The following GPC5 variants were observed in gnomAD, a reference collection of about 807,000 sequenced individuals.
The protein encoded by GPC5 is glypican 5.
Under a neutral mutation model 53.9 loss-of-function variants are expected in GPC5, and 47 were observed. The observed-to-expected ratio is 0.87, with a 90% CI of 0.69 to 1.11. The LOEUF is 1.11. Ranked by LOEUF, GPC5 falls within the 50% of genes most tolerant of loss-of-function variation. GPC5 has a pLI of 0.00. For missense variants in GPC5, 748 were observed against 713.1 expected (o/e 1.05, Z -0.56); for synonymous variants, 286 against 263.3 (o/e 1.09, Z -0.84).
intron 6 of GPC5, among the ~76,000 whole-genome samples, chr13:92,123,965 G>A (rs531447880): frequency 2.0e-5 from 3 of 151,966 alleles, no homozygotes; most frequent in South Asian, 2.1e-4. Context: ...ATATAGTTAC[G>A]ATAGTACTGA....
At chr13:92,249,625 G>A (rs1594036368) in intron 7 of GPC5, among the ~76,000 whole-genome samples, 1 of 152,064 alleles carries the variant, frequency 6.6e-6, no homozygotes. Context: ...GTCTGAGTCT[G>A]ACTGAAAATT....
At chr13:91,930,297 G>C (rs2039809469) in intron 6 of GPC5, among the ~76,000 whole-genome samples, 1 of 151,542 alleles carries the variant, frequency 6.6e-6, no homozygotes, top group African/African-American at 2.4e-5. Flanking sequence ...AATTATAGAA[G>C]GTTAGATCCA....
intron 2 of GPC5, among the ~76,000 whole-genome samples, chr13:91,671,245 G>A (rs977230338): frequency 4.6e-5 from 7 of 152,224 alleles, no homozygotes; most frequent in Admixed American, 4.6e-4. Context: ...GTAAAGTTTA[G>A]TAATATGTTT....
chr13:91,507,253 T>C (rs1884991909), intron 2 of GPC5, among the ~76,000 whole-genome samples: 1 of 152,134 alleles, frequency 6.6e-6, no homozygotes, highest in African/African-American at 2.4e-5. Context: ...CATGGCAGAA[T>C]GAGGAAGGGA....
chr13:92,072,279 T>TG (rs2041218545), intron 6 of GPC5, among the ~76,000 whole-genome samples: 1 of 151,166 alleles, frequency 6.6e-6, no homozygotes, highest in Non-Finnish European at 1.5e-5. Context: ...ATTATTATTA[T>TG]TTTTTGAGAC....
In GPC5 at chr13:91,545,432, A is replaced by C. The variant is rs1007132748; in HGVS notation, c.325+96510A>C. ...TTGGTTTTAAGTTCATATCTTAAAC[A>C]CATCATTAAAATTCAATCTTTGGGT... On this transcript the variant is annotated intron_variant, in intron 2 of 7. Transcript: ENST00000377067. Among the ~76,000 whole-genome samples, 25 of 152,180 alleles carry C rather than the reference A, an allele frequency of 1.6e-4. 1 individual carries two copies. The highest frequency in any genetic ancestry group is 6.0e-4 in the African/African-American group (25 of 41,448).
chr13:92,381,860 T>TATATATC (rs2043743980), intron 7 of GPC5, among the ~76,000 whole-genome samples: 6 of 62,716 alleles, frequency 9.6e-5, no homozygotes, highest in Non-Finnish European at 2.2e-4. Context: ...CATATATGAT[T>TATATATC]ATATATATCA....
chr13:92,660,624 C>T (rs1417092179), intron 7 of GPC5, among the ~76,000 whole-genome samples: 1 of 151,810 alleles, frequency 6.6e-6, no homozygotes, highest in African/African-American at 2.4e-5. Flanking sequence ...TCCCTCTCTT[C>T]CACGTAATGA....
chr13:91,825,929 A>G (rs1009945506), intron 5 of GPC5, among the ~76,000 whole-genome samples: 15 of 152,090 alleles, frequency 9.9e-5, no homozygotes, highest in African/African-American at 1.4e-4. Context: ...AGCTCCAAAC[A>G]TTCTGAAACA....
At chr13:92,413,635 T>G (rs4773681) in intron 7 of GPC5, among the ~76,000 whole-genome samples, 56,843 of 151,870 alleles carry the variant, frequency 0.37, 10,883 homozygotes, top group Non-Finnish European at 0.41. Context: ...TCAAGGGTAG[T>G]GAAAACAGAA....
chr13:91,505,085 T>C (rs183016956), intron 2 of GPC5, among the ~76,000 whole-genome samples: 1 of 152,336 alleles, frequency 6.6e-6, no homozygotes, highest in Non-Finnish European at 1.5e-5. Flanking sequence ...TGTGTATATA[T>C]ATTGAATGTA....
chr13:91,639,954 G>C (rs893887968), intron 2 of GPC5, among the ~76,000 whole-genome samples: 1 of 151,894 alleles, frequency 6.6e-6, no homozygotes, highest in Admixed American at 6.6e-5. Context: ...AGATTCCAAG[G>C]CTTGGGTTTT....
chr13:92,007,356 C>T lies in GPC5; in HGVS notation c.1401+99299C>T, dbSNP rs372872589. Among the ~76,000 whole-genome samples the T allele has an allele frequency of 8.5e-5, 13 of 152,242 alleles. No individual in the cohort carries two copies. The East Asian group carries it at 2.3e-3, about 27-fold the overall frequency. ...ATTGGAGTTGTAGTTTAGTCTACCA[C>T]ATTTTTCATTCCATCAGTTTTTGTT... is the stretch of plus-strand genomic sequence containing the variant. On this transcript the variant is annotated intron_variant, in intron 6 of 7. Transcript: ENST00000377067.
At chr13:91,915,681 G>A (rs2039651610) in intron 6 of GPC5, among the ~76,000 whole-genome samples, 1 of 151,906 alleles carries the variant, frequency 6.6e-6, no homozygotes, top group Non-Finnish European at 1.5e-5. Flanking sequence ...GTAATTTATA[G>A]GCTAAAACTT....
At chr13:91,924,236 AT>A (rs1171757495) in intron 6 of GPC5, among the ~76,000 whole-genome samples, 3 of 152,200 alleles carry the variant, frequency 2.0e-5, no homozygotes, top group African/African-American at 7.2e-5. Flanking sequence ...CTTAATTCTG[AT>A]TTAAGTTACT....
chr13:91,776,399 G>T (rs2037711584), intron 5 of GPC5, among the ~76,000 whole-genome samples: 1 of 152,182 alleles, frequency 6.6e-6, no homozygotes, highest in African/African-American at 2.4e-5. Flanking sequence ...AGAATAGACA[G>T]CCTATCCATC....
intron 7 of GPC5, among the ~76,000 whole-genome samples, chr13:92,392,065 T>A (rs1430323664): frequency 6.6e-6 from 1 of 152,202 alleles, no homozygotes; most frequent in Non-Finnish European, 1.5e-5. Context: ...GAGAATAGAA[T>A]TAAGCACCAA....
intron 7 of GPC5, among the ~76,000 whole-genome samples, chr13:92,609,635 A>G (rs1400438263): frequency 6.6e-6 from 1 of 152,188 alleles, no homozygotes; most frequent in African/African-American, 2.4e-5. Context: ...AAACCTTATG[A>G]GGCACAAGCA....
At chr13:92,272,413 C>A (rs2042846135) in intron 7 of GPC5, among the ~76,000 whole-genome samples, 1 of 152,138 alleles carries the variant, frequency 6.6e-6, no homozygotes, top group South Asian at 2.1e-4. Context: ...ATGTAACCAT[C>A]TAGCAATGTT....
Sources: gnomAD v4.1 joint callset for allele counts (sites outside exome capture counted in the v4.1 genomes callset) on GRCh38, gnomAD v4.1.1 for gene constraint, MANE v1.5 for transcripts, NCBI Gene and HGNC (gene_info 2026-07-23, HGNC 2026-07-21) for gene names.